GLI2: variants seen among roughly 807,000 people sequenced by gnomAD.
The protein encoded by GLI2 is transcription activator GLI2.
GLI2 carries 22 observed loss-of-function variants against 78.9 expected under a neutral mutation model. The ratio of observed to expected loss-of-function variants is 0.28; its 90% CI spans 0.20 to 0.40. The LOEUF (loss-of-function observed/expected upper bound fraction) is 0.40, where lower values mean the gene tolerates loss of function less well. Among genes scored for constraint, GLI2 ranks in the 10% least tolerant of loss-of-function variants. GLI2 has a pLI of 1.00. For synonymous variants in GLI2, 974 were observed against 963.7 expected (o/e 1.01, Z -0.20); for missense variants, 2,097 against 2,213.2 (o/e 0.95, Z 1.05).
rs139688100 is a variant in GLI2, at chr2:120,929,655, G to A, written c.254+2189G>A. Among the ~76,000 whole-genome samples, 385 of 152,312 alleles carry A rather than the reference G, an allele frequency of 2.5e-3. 3 individuals are homozygous for A. Among genetic ancestry groups the A allele is most frequent in the African/African-American group, 8.5e-3 (353 of 41,572 alleles). On this transcript the variant is annotated intron_variant, in intron 3 of 13. Coordinates refer to ENST00000361492, the MANE Select transcript of GLI2 (RefSeq NM_001374353.1). ...TCTTCCAGTTGTCCCAGATTTGGCC[G>A]TTGGGGTCCCTTCCAGTTGTCCTCT...
At chr2:120,765,122 C>G (rs1409707904) in intron 1 of GLI2, among the ~76,000 whole-genome samples, 2 of 152,212 alleles carry the variant, frequency 1.3e-5, no homozygotes, top group African/African-American at 4.8e-5. Flanking sequence ...TGAACCTCCC[C>G]CTGCCCCTGG....
chr2:120,901,481 C>T (rs1254330280), intron 2 of GLI2, among the ~76,000 whole-genome samples: 3 of 152,282 alleles, frequency 2.0e-5, no homozygotes, highest in Non-Finnish European at 4.4e-5. Context: ...TCCGCTGGGC[C>T]GGTGCTGCTC....
intron 2 of GLI2, among the ~76,000 whole-genome samples, chr2:120,849,618 A>T (rs142316492): frequency 6.6e-6 from 1 of 152,320 alleles, no homozygotes; most frequent in African/African-American, 2.4e-5. Context: ...TGCTAAAGCT[A>T]CCATTGGACA....
rs55794893 is a variant in GLI2 at position 120,898,177 on chromosome 2, A to AACACACACACACAC, written c.149-29158_149-29145dup. On this transcript the variant is annotated intron_variant, in intron 2 of 13. Transcript: ENST00000361492. Reference sequence around the variant, plus strand: ...GGCATAAGGCACTGATATAGATTAAAACACACACACACACACACACACACA... The same window carrying AACACACACACACAC: ...GGCATAAGGCACTGATATAGATTAAAACACACACACACACACACACACACACACACACACACACA... 4.5e-3 allele frequency among the ~76,000 whole-genome samples: 638 copies of AACACACACACACAC among 140,294 alleles called. 5 individuals carry two copies. The highest frequency in any genetic ancestry group is 0.011 in the African/African-American group (415 of 36,988). 92.0% of individuals were successfully genotyped at this position (140,294 alleles called of 152,430 possible).
At chr2:120,766,776 A>G (rs1309090646) in intron 1 of GLI2, among the ~76,000 whole-genome samples, 2 of 152,356 alleles carry the variant, frequency 1.3e-5, no homozygotes, top group East Asian at 1.9e-4. Context: ...GAGAGTTGAC[A>G]TTAAAGAAAC....
At chr2:120,840,974 A>C (rs1195036931) in intron 2 of GLI2, among the ~76,000 whole-genome samples, 1 of 152,136 alleles carries the variant, frequency 6.6e-6, no homozygotes, top group South Asian at 2.1e-4. Flanking sequence ...ATCTGGCCCT[A>C]CGTGGCCTCT....
intron 2 of GLI2, among the ~76,000 whole-genome samples, chr2:120,831,338 AC>A (rs777935422): frequency 2.3e-4 from 35 of 152,068 alleles, no homozygotes; most frequent in Non-Finnish European, 3.7e-4. Flanking sequence ...CCCAAAGAAA[AC>A]CCTCACAGTG....
chr2:120,799,150 A>G (rs1684561770), intron 2 of GLI2, among the ~76,000 whole-genome samples: 1 of 152,226 alleles, frequency 6.6e-6, no homozygotes, highest in African/African-American at 2.4e-5. Context: ...CAATAGCAAC[A>G]GATGCTTGAG....
chr2:120,815,723 C>T (rs970109035), intron 2 of GLI2, among the ~76,000 whole-genome samples: 44 of 152,310 alleles, frequency 2.9e-4, no homozygotes, highest in East Asian at 9.6e-4. Context: ...GTAGAATCAC[C>T]GTGAGAGACT....
In GLI2 at chr2:120,797,329, G is replaced by A. The variant is rs199524680; in HGVS notation, c.9G>A (p.Thr3=). 2.7e-5 allele frequency: 44 copies of A among 1,613,994 alleles called. No homozygotes were observed. The Admixed American group carries it at 4.0e-4, about 15-fold the overall frequency. The change falls in exon 2 of 14, where the codon ACG becomes ACA. Residue 3 remains threonine (T), a synonymous_variant. Transcript: ENST00000361492. ...GACGATGAGCGGCTGAGATGGAGAC[G>A]TCTGCCTCAGCCACTGCCTCCGAGA... The part of the protein sequence containing the change: ME[T]SASATASEKQ...
intron 2 of GLI2, among the ~76,000 whole-genome samples, chr2:120,804,009 G>A (rs1025785443): frequency 6.6e-6 from 1 of 152,178 alleles, no homozygotes; most frequent in African/African-American, 2.4e-5. Context: ...CAGGAGGCGT[G>A]TGTGCTACCT....
chr2:120,815,006 C>T (rs1277943158), intron 2 of GLI2, among the ~76,000 whole-genome samples: 5 of 152,118 alleles, frequency 3.3e-5, no homozygotes, highest in Non-Finnish European at 7.4e-5. Context: ...TTGATGCCAG[C>T]GTCCACGGGC....
chr2:120,989,155 G>T lies in GLI2; in HGVS notation c.3190G>T (p.Gly1064Cys). 1.2e-6 allele frequency: 2 copies of T among 1,613,128 alleles called. No homozygotes were observed. Among genetic ancestry groups the T allele is most frequent in the Non-Finnish European group, 1.7e-6 (2 of 1,179,992 alleles). The change falls in exon 14 of 14, where the codon GGC becomes TGC. Residue 1064 changes from glycine (G) to cysteine (C), a missense_variant. Physicochemically the swap from Gly to Cys is radical, Grantham distance 159 (BLOSUM62 -3). Coordinates refer to ENST00000361492, the MANE Select transcript of GLI2 (RefSeq NM_001374353.1). Reference protein sequence around the residue: ...KAHASGALDEGTGQVYPTEST... With the variant: ...KAHASGALDECTGQVYPTEST... ...GCACGCCAGTGGCGCTCTGGACGAG[G>T]GCACCGGGCAGGTGTATCCCACGGA...
intron 1 of GLI2, among the ~76,000 whole-genome samples, chr2:120,788,205 G>T (rs2104679782): frequency 6.6e-6 from 1 of 152,374 alleles, no homozygotes; most frequent in Admixed American, 6.5e-5. Context: ...CTTCTCCAGA[G>T]TCTGCACTCA....
intron 2 of GLI2, among the ~76,000 whole-genome samples, chr2:120,898,456 TG>T (rs1306553264): frequency 6.6e-6 from 1 of 152,168 alleles, no homozygotes; most frequent in African/African-American, 2.4e-5. Context: ...GGATTCGCAC[TG>T]AATTGGGGTG....
chr2:120,865,378 C>T (rs1487131338), intron 2 of GLI2, among the ~76,000 whole-genome samples: 1 of 152,186 alleles, frequency 6.6e-6, no homozygotes, highest in Admixed American at 6.5e-5. Context: ...GTTCTGTCCT[C>T]GCCACTAGGA....
At chr2:120,883,773 G>A (rs1040937369) in intron 2 of GLI2, among the ~76,000 whole-genome samples, 1 of 152,200 alleles carries the variant, frequency 6.6e-6, no homozygotes, top group Non-Finnish European at 1.5e-5. Context: ...TCTTGGATGA[G>A]GGATACTTGC....
intron 2 of GLI2, among the ~76,000 whole-genome samples, chr2:120,823,575 G>A (rs190068901): frequency 7.8e-4 from 119 of 152,352 alleles, no homozygotes; most frequent in Non-Finnish European, 1.5e-3. Context: ...CATTTTTGCT[G>A]TGGGATGTGG....
chr2:120,906,017 C>T (rs570780554), intron 2 of GLI2, among the ~76,000 whole-genome samples: 9 of 152,252 alleles, frequency 5.9e-5, no homozygotes, highest in African/African-American at 1.9e-4. Flanking sequence ...GGAGGGCCGG[C>T]GCTTCTCGCC....
Sources: gnomAD v4.1 joint callset for allele counts (sites outside exome capture counted in the v4.1 genomes callset) on GRCh38, gnomAD v4.1.1 for gene constraint, MANE v1.5 for transcripts, NCBI Gene and HGNC (gene_info 2026-07-23, HGNC 2026-07-21) for gene names.